Variants in CAB39L observed in about 807,000 individuals in gnomAD.
CAB39L encodes calcium-binding protein 39-like.
CAB39L carries 23 observed loss-of-function variants against 39.1 expected under a neutral mutation model. That is an observed-to-expected ratio of 0.59 (90% confidence interval 0.42 to 0.83). CAB39L has a LOEUF of 0.83. CAB39L is among the 40% of genes least tolerant of loss of function. The pLI, the probability that CAB39L is intolerant of heterozygous loss-of-function variation, is 0.00. For synonymous variants in CAB39L, 126 were observed against 137.2 expected (o/e 0.92, Z 0.57); for missense variants, 366 against 391.9 (o/e 0.93, Z 0.56).
intron 5 of CAB39L, 63 bp from the exon 6 acceptor site, chr13:49,359,895 G>A (rs148656408): frequency 4.2e-5 from 36 of 864,308 alleles, no homozygotes; most frequent in African/African-American, 3.7e-4. Context: ...TATAGTATGT[G>A]GAATATATAC....
intron 10 of CAB39L, among the ~76,000 whole-genome samples, chr13:49,315,007 T>G (rs1026540987): frequency 6.6e-6 from 1 of 152,204 alleles, no homozygotes; most frequent in Non-Finnish European, 1.5e-5. Context: ...AGGATGCTTG[T>G]TCTGAGAACT....
chr13:49,422,513 C>T (rs1258684022), intron 3 of CAB39L, among the ~76,000 whole-genome samples: 1 of 152,132 alleles, frequency 6.6e-6, no homozygotes, highest in East Asian at 1.9e-4. Flanking sequence ...GTGGAGGTTA[C>T]AGTGAGCTGA....
intron 5 of CAB39L, among the ~76,000 whole-genome samples, chr13:49,361,671 C>T (rs1468750446): frequency 6.6e-6 from 1 of 152,126 alleles, no homozygotes; most frequent in Non-Finnish European, 1.5e-5. Context: ...ATTCCTACAT[C>T]AAGTTCTATT....
intron 1 of CAB39L, among the ~76,000 whole-genome samples, chr13:49,441,244 T>A (rs1340211291): frequency 6.9e-6 from 1 of 145,140 alleles, no homozygotes; most frequent in Admixed American, 7.0e-5. Flanking sequence ...TATATATATA[T>A]TCCCTTTTCC....
chr13:49,382,658 C>A, intron 4 of CAB39L, 142 bp downstream of exon 4: 2 of 599,108 alleles, frequency 3.3e-6, no homozygotes, highest in South Asian at 1.9e-5. Context: ...TGCATAAAAC[C>A]TGAAATCAAC....
chr13:49,339,798 T>G, intron 8 of CAB39L, 56 bp from the exon 9 acceptor site: 1 of 1,404,056 alleles, frequency 7.1e-7, no homozygotes, highest in Non-Finnish European at 9.3e-7. Context: ...TTCTCCGTAT[T>G]AGGCTGGCTT....
chr13:49,382,701 T>A, intron 4 of CAB39L, 99 bp downstream of exon 4: 1 of 756,970 alleles, frequency 1.3e-6, no homozygotes, highest in Non-Finnish European at 2.3e-6. Context: ...TATGTGCACA[T>A]CACAGACCAT....
intron 1 of CAB39L, among the ~76,000 whole-genome samples, chr13:49,442,787 CAAAAAAAAAAAAAAA>C (rs71078844): frequency 9.6e-5 from 10 of 103,688 alleles, no homozygotes; most frequent in African/African-American, 2.1e-4. Flanking sequence ...GACTCCATCT[CAAAAAAAAAAAAAAA>C]AAAAAAAAAA....
chr13:49,368,642 C>T (rs1249730313), intron 5 of CAB39L, among the ~76,000 whole-genome samples: 4 of 152,296 alleles, frequency 2.6e-5, no homozygotes, highest in African/African-American at 9.6e-5. Context: ...TCTAAGGTTA[C>T]ATACAATGTA....
chr13:49,329,757 C>A (rs1954634298), intron 10 of CAB39L, among the ~76,000 whole-genome samples: 1 of 151,788 alleles, frequency 6.6e-6, no homozygotes, highest in Non-Finnish European at 1.5e-5. Context: ...CCATGGTTCA[C>A]ACCTATAATC....
At chr13:49,356,077 A>G (rs977053528) in intron 6 of CAB39L, among the ~76,000 whole-genome samples, 1 of 152,192 alleles carries the variant, frequency 6.6e-6, no homozygotes, top group Non-Finnish European at 1.5e-5. Flanking sequence ...GAATCAGGCA[A>G]TGTTCATCAA....
At chr13:49,347,438 G>A (rs1955212285) in intron 7 of CAB39L, among the ~76,000 whole-genome samples, 3 of 151,952 alleles carry the variant, frequency 2.0e-5, no homozygotes, top group East Asian at 1.9e-4. Context: ...CTCCTCTATT[G>A]GCGTTTGTTC....
At chr13:49,346,046 G>T (rs1251862028) in intron 7 of CAB39L, among the ~76,000 whole-genome samples, 1 of 115,542 alleles carries the variant, frequency 8.7e-6, no homozygotes, top group East Asian at 2.8e-4. Context: ...GGGTGGGGTA[G>T]AATTCCTCCA....
At chr13:49,422,663 G>A (rs766963587) in intron 3 of CAB39L, among the ~76,000 whole-genome samples, 17 of 150,182 alleles carry the variant, frequency 1.1e-4, no homozygotes, top group Admixed American at 9.3e-4. Context: ...CCCCCAGGCT[G>A]GTCTCAAACT....
intron 5 of CAB39L, among the ~76,000 whole-genome samples, chr13:49,376,552 GAAGT>G (rs1430970074): frequency 6.6e-6 from 1 of 152,214 alleles, no homozygotes; most frequent in Non-Finnish European, 1.5e-5. Flanking sequence ...TTGAAGCTCT[GAAGT>G]AAGTGAGTGA....
chr13:49,361,561 A>AGAAG (rs1555256965), intron 5 of CAB39L, among the ~76,000 whole-genome samples: 1 of 122,042 alleles, frequency 8.2e-6, no homozygotes, highest in African/African-American at 2.9e-5. Context: ...AAAGAGAAAG[A>AGAAG]AAAGAAAGAA....
intron 3 of CAB39L, among the ~76,000 whole-genome samples, chr13:49,414,977 C>CT (rs1402504388): frequency 6.6e-6 from 1 of 151,482 alleles, no homozygotes; most frequent in African/African-American, 2.4e-5. Context: ...AGGTGGATCA[C>CT]TTGAGGTCAG....
intron 10 of CAB39L, among the ~76,000 whole-genome samples, chr13:49,318,839 T>C (rs1013249237): frequency 1.3e-5 from 2 of 151,686 alleles, no homozygotes; most frequent in African/African-American, 4.8e-5. Context: ...GTAGTGTTCA[T>C]AGCAGCACTA....
chr13:49,394,253 C>T (rs1405332625), intron 3 of CAB39L, among the ~76,000 whole-genome samples: 1 of 151,694 alleles, frequency 6.6e-6, no homozygotes, highest in Non-Finnish European at 1.5e-5. Context: ...AAGTGAAAAC[C>T]ATAAATGAGG....
Sources: gnomAD v4.1 joint callset for allele counts (sites outside exome capture counted in the v4.1 genomes callset) on GRCh38, gnomAD v4.1.1 for gene constraint, MANE v1.5 for transcripts, NCBI Gene and HGNC (gene_info 2026-07-23, HGNC 2026-07-21) for gene names.